FAM168A: variants seen among roughly 807,000 people sequenced by gnomAD.
FAM168A encodes the protein protein FAM168A.
A neutral mutation model predicts 28.5 loss-of-function variants in FAM168A; 3 were observed. The observed-to-expected ratio is 0.11, with a 90% confidence interval of 0.05 to 0.27. The LOEUF is 0.27. Ranked by LOEUF, FAM168A falls within the 10% of genes least tolerant of loss-of-function variation. FAM168A has a pLI of 1.00. For synonymous variants in FAM168A, 122 were observed against 124.2 expected, an observed-to-expected ratio of 0.98 and a Z score of 0.12; for missense variants, 222 against 311.5, an observed-to-expected ratio of 0.71 and a Z score of 2.16.
intron 1 of FAM168A, among the ~76,000 whole-genome samples, chr11:73,474,399 A>G (rs1867859846): frequency 1.3e-5 from 2 of 151,936 alleles, no homozygotes; most frequent in Non-Finnish European, 2.9e-5. Flanking sequence ...ATTCACAGGC[A>G]CAGTTACGGC....
rs181487735 is a variant in FAM168A, at chr11:73,420,055, A to T, written c.152-56T>A. The stretch of plus-strand genomic sequence containing the variant: ...CAGAAATAAGAAGTGGCCACCACCA[A>T]TCACAGACACAAAGCAAGGGTCTTG... On this transcript the variant is annotated intron_variant, in intron 3 of 7. Transcript: ENST00000356467. 2.8e-3 allele frequency: 4,523 copies of T among 1,597,992 alleles called. 94 individuals are homozygous for T. The highest frequency in any genetic ancestry group is 1.1e-3 in the Non-Finnish European group (1,304 of 1,169,556).
chr11:73,519,522 G>A (rs1055787652), intron 1 of FAM168A, among the ~76,000 whole-genome samples: 3 of 152,138 alleles, frequency 2.0e-5, no homozygotes, highest in African/African-American at 7.2e-5. Flanking sequence ...TTATAAAGAA[G>A]CAAAAAGAGA....
chr11:73,430,159 T>C (rs1036904075), intron 3 of FAM168A: 6 of 158,504 alleles, frequency 3.8e-5, no homozygotes, highest in Admixed American at 1.2e-4. Context: ...TCAACCTCAA[T>C]CCGAGTGTTG....
At chr11:73,459,809 C>T (rs1158840550) in intron 2 of FAM168A, among the ~76,000 whole-genome samples, 1 of 151,736 alleles carries the variant, frequency 6.6e-6, no homozygotes, top group Non-Finnish European at 1.5e-5. Flanking sequence ...GACTCAAAAA[C>T]AGAAAAGTCT....
Position 73,402,639 on chromosome 11 carries a change from T to C in FAM168A, c.*4124A>G, listed in dbSNP as rs1258136989. ...GTACCAACTCACTGGATCTGGACAGTGGGCAGGCTCTCAGGGATTAGGAAG... is the reference window on the plus strand; with the variant it reads ...GTACCAACTCACTGGATCTGGACAGCGGGCAGGCTCTCAGGGATTAGGAAG... On this transcript the variant is annotated 3_prime_UTR_variant, in exon 8 of 8. Coordinates refer to ENST00000356467, the MANE Select transcript of FAM168A (RefSeq NM_015159.3). 1 of 152,190 alleles carries C rather than the reference T, an allele frequency of 6.6e-6. No individual in the cohort carries two copies. Among genetic ancestry groups the C allele is most frequent in the African/African-American group, 2.4e-5 (1 of 41,410 alleles). The allele number at this position is 152,190 out of a possible 1,614,324, so 9.4% of individuals were successfully genotyped here.
chr11:73,490,298 CT>C (rs141856498), intron 1 of FAM168A, among the ~76,000 whole-genome samples: 2,073 of 152,280 alleles, frequency 0.014, 44 homozygotes, highest in African/African-American at 0.045. Flanking sequence ...ACTGCCCCCC[CT>C]GTTTTTGCAT....
chr11:73,510,816 C>T (rs1209331559), intron 1 of FAM168A: 6 of 367,774 alleles, frequency 1.6e-5, no homozygotes, highest in African/African-American at 8.4e-5. Context: ...TAGGAATGGA[C>T]GTAGACAGAT....
chr11:73,574,143 C>A (rs2134725369), intron 1 of FAM168A, among the ~76,000 whole-genome samples: 1 of 152,228 alleles, frequency 6.6e-6, no homozygotes, highest in Middle Eastern at 3.4e-3. Flanking sequence ...GTAATTAATT[C>A]TCTAAGCCCC....
At chr11:73,594,782 G>C (rs1320847224) in intron 1 of FAM168A, among the ~76,000 whole-genome samples, 1 of 152,096 alleles carries the variant, frequency 6.6e-6, no homozygotes, top group Non-Finnish European at 1.5e-5. Flanking sequence ...ACCCACCTCG[G>C]CCTCCCAAAG....
rs887938758 is a variant in FAM168A at position 73,405,536 on chromosome 11, C to T, written c.*1227G>A. Reference sequence around the variant, plus strand: ...AAGTCCTTTCCGCTTCTCTGGGCCTCAGTTTCCTCATCTGCCAAATAGGGA... The same window carrying T: ...AAGTCCTTTCCGCTTCTCTGGGCCTTAGTTTCCTCATCTGCCAAATAGGGA... On this transcript the variant is annotated 3_prime_UTR_variant, in exon 8 of 8. Coordinates refer to ENST00000356467, the MANE Select transcript of FAM168A (RefSeq NM_015159.3). 4.6e-5 allele frequency: 7 copies of T among 152,264 alleles called. No homozygotes were observed. Among genetic ancestry groups the T allele is most frequent in the African/African-American group, 1.2e-4 (5 of 41,450 alleles). The allele number at this position is 152,264 out of a possible 1,614,324, so 9.4% of individuals were successfully genotyped here.
At chr11:73,426,883 T>C (rs1010204031) in intron 3 of FAM168A, among the ~76,000 whole-genome samples, 4 of 152,216 alleles carry the variant, frequency 2.6e-5, no homozygotes, top group African/African-American at 9.6e-5. Flanking sequence ...TTGTGTGTTT[T>C]TGAGAAAATA....
intron 2 of FAM168A, among the ~76,000 whole-genome samples, chr11:73,445,840 T>C (rs1221002175): frequency 6.6e-6 from 1 of 152,178 alleles, no homozygotes; most frequent in East Asian, 1.9e-4. Flanking sequence ...TCTATCTCTG[T>C]TTCCTCATCT....
At chr11:73,488,663 C>T (rs995938044) in intron 1 of FAM168A, among the ~76,000 whole-genome samples, 1 of 152,288 alleles carries the variant, frequency 6.6e-6, no homozygotes, top group Non-Finnish European at 1.5e-5. Context: ...CGTGGATGAA[C>T]AGTCCACGTT....
At chr11:73,503,324 T>A (rs1184075316) in intron 1 of FAM168A, among the ~76,000 whole-genome samples, 5 of 152,184 alleles carry the variant, frequency 3.3e-5, no homozygotes, top group Non-Finnish European at 7.3e-5. Flanking sequence ...AAAATCAATG[T>A]GCAAAAATCA....
At position 73,588,440 on chromosome 11, in the gene FAM168A, C is replaced by T. The variant is rs1944341868; in HGVS notation, c.-19+9483G>A. ...GTGCGGTGGCCCACATCTGTAATTC[C>T]AGCACTTTGGGAGGCTGGGTCAGGG... On this transcript the variant is annotated intron_variant, in intron 1 of 7. Transcript: ENST00000356467. Among the ~76,000 whole-genome samples, 2 of 152,084 alleles carry T rather than the reference C, an allele frequency of 1.3e-5. 1 individual carries two copies. The highest frequency in any genetic ancestry group is 4.2e-4 in the South Asian group (2 of 4,818).
At chr11:73,568,094 G>A (rs566170836) in intron 1 of FAM168A, among the ~76,000 whole-genome samples, 1 of 152,112 alleles carries the variant, frequency 6.6e-6, no homozygotes, top group East Asian at 1.9e-4. Context: ...AGACGTTGGC[G>A]GTACCTTTTA....
chr11:73,573,034 C>T (rs575378069), intron 1 of FAM168A, among the ~76,000 whole-genome samples: 2 of 152,050 alleles, frequency 1.3e-5, no homozygotes, highest in Non-Finnish European at 2.9e-5. Context: ...AGCATTCTAG[C>T]CGGTGGAAGC....
chr11:73,446,816 T>C (rs1867323686), intron 2 of FAM168A, among the ~76,000 whole-genome samples: 2 of 152,216 alleles, frequency 1.3e-5, no homozygotes, highest in South Asian at 4.1e-4. Flanking sequence ...CTTCTCCTTT[T>C]TCCCTCTCTC....
chr11:73,545,142 C>T (rs1943730801), intron 1 of FAM168A, among the ~76,000 whole-genome samples: 1 of 146,088 alleles, frequency 6.8e-6, no homozygotes, highest in Admixed American at 7.2e-5. Context: ...TCTCTTGCCT[C>T]AGCCTCCTGA....
Sources: gnomAD v4.1 joint callset for allele counts (sites outside exome capture counted in the v4.1 genomes callset) on GRCh38, gnomAD v4.1.1 for gene constraint, MANE v1.5 for transcripts, NCBI Gene and HGNC (gene_info 2026-07-23, HGNC 2026-07-21) for gene names.